WFDC5: variants seen among roughly 807,000 people sequenced by gnomAD.
WFDC5 encodes WAP four-disulfide core domain 5.
A neutral mutation model predicts 15.7 loss-of-function variants in WFDC5; 15 were observed. The observed-to-expected ratio is 0.96, with a 90% CI of 0.64 to 1.47. The LOEUF is 1.47. Ranked by LOEUF, WFDC5 falls within the 40% of genes most tolerant of loss-of-function variation. The probability of loss-of-function intolerance (pLI) is 0.00; values close to 1 mark genes in which losing one functional copy is unlikely to be tolerated. For missense variants in WFDC5, 280 were observed against 258.0 expected (o/e 1.09, Z -0.59); for synonymous variants, 109 against 107.7 (o/e 1.01, Z -0.07).
At chr20:45,112,375 G>A (rs528143560) in intron 1 of WFDC5, among the ~76,000 whole-genome samples, 22 of 152,286 alleles carry the variant, frequency 1.4e-4, no homozygotes, top group African/African-American at 5.3e-4. Flanking sequence ...GGACAGATAG[G>A]GATGGGGCAT....
At chr20:45,115,434 T>C (rs1360819587), upstream of WFDC5, among the ~76,000 whole-genome samples, 1 of 152,170 alleles carries the variant, frequency 6.6e-6, no homozygotes, top group Non-Finnish European at 1.5e-5. Context: ...ATCCTGGCTC[T>C]CAAAGATGTT....
upstream of WFDC5, chr20:45,115,262 T>G: frequency 1.7e-6 from 1 of 572,082 alleles, no homozygotes; most frequent in East Asian, 2.8e-5. Context: ...GCTGTCACAA[T>G]AGCTGAAGAT....
intron 1 of WFDC5, 124 bp downstream of exon 1, chr20:45,114,875 G>GCA: frequency 2.1e-6 from 2 of 942,242 alleles, no homozygotes; most frequent in Non-Finnish European, 3.2e-6. Context: ...ACACACGCAC[G>GCA]CACGCACACA....
intron 1 of WFDC5, among the ~76,000 whole-genome samples, chr20:45,112,711 G>T (rs1302640687): frequency 6.6e-6 from 1 of 152,304 alleles, no homozygotes; most frequent in South Asian, 2.1e-4. Flanking sequence ...AGCACATTTA[G>T]ATCTAGACAC....
At chr20:45,115,577 G>C (rs1044687441), upstream of WFDC5, among the ~76,000 whole-genome samples, 4 of 152,146 alleles carry the variant, frequency 2.6e-5, no homozygotes, top group African/African-American at 9.7e-5. Flanking sequence ...GCCAAAGAAG[G>C]CTGGCCCAGG....
At position 45,109,818 on chromosome 20, in the gene WFDC5, T is replaced by A. The variant is rs556227079; in HGVS notation, c.589A>T (p.Lys197Ter). The A allele has an allele frequency of 1.2e-6, 1 of 808,522 alleles. No individual in the cohort carries two copies. Among genetic ancestry groups the A allele is most frequent in the Admixed American group, 2.0e-5 (1 of 50,324 alleles). 50.1% of individuals were successfully genotyped at this position (808,522 alleles called of 1,614,324 possible). A position where few individuals can be genotyped will look rare whatever the true frequency, so the allele number is the denominator to read the frequency against. ...TCCTCCGAGCTCAGGCTATGGACTT[T>A]GACTCCCAGGAGGAGAAACCAGGGG... The change falls in exon 4 of 4, where the codon AAA becomes TAA. Residue 197 changes from lysine to a stop codon, truncating the protein, a stop_gained. Transcript: ENST00000307971. LOFTEE classifies it low-confidence loss of function (END_TRUNC).
At chr20:45,110,322 A>T in intron 3 of WFDC5, 78 bp downstream of exon 3, 1 of 1,535,158 alleles carries the variant, frequency 6.5e-7, no homozygotes, top group Non-Finnish European at 8.7e-7. Context: ...CATCCTGTTA[A>T]GCTTGTAGCA....
chr20:45,111,554 T>A (rs1981622110), intron 1 of WFDC5, among the ~76,000 whole-genome samples: 1 of 152,222 alleles, frequency 6.6e-6, no homozygotes, highest in Non-Finnish European at 1.5e-5. Flanking sequence ...GGCCACGTCT[T>A]CTGCACCGTT....
At chr20:45,114,150 A>G (rs1302083129) in intron 1 of WFDC5, among the ~76,000 whole-genome samples, 1 of 152,230 alleles carries the variant, frequency 6.6e-6, no homozygotes, top group Non-Finnish European at 1.5e-5. Context: ...CACAGGGTCC[A>G]GCCTTGGAGC....
upstream of WFDC5, among the ~76,000 whole-genome samples, chr20:45,115,412 C>G (rs1015702432): frequency 1.3e-5 from 2 of 152,180 alleles, no homozygotes; most frequent in African/African-American, 4.8e-5. Flanking sequence ...GTTGTTGAGG[C>G]AGATGCTTGC....
intron 3 of WFDC5, among the ~76,000 whole-genome samples, 175 bp from the exon 4 acceptor site, chr20:45,110,188 G>A (rs1381465319): frequency 6.6e-6 from 1 of 152,180 alleles, no homozygotes; most frequent in Non-Finnish European, 1.5e-5. Flanking sequence ...TGTCATCCAG[G>A]TGCCACAGCA....
chr20:45,111,549 C>T (rs1396600892), intron 1 of WFDC5, among the ~76,000 whole-genome samples: 1 of 152,184 alleles, frequency 6.6e-6, no homozygotes, highest in African/African-American at 2.4e-5. Flanking sequence ...CAGCTGGCCA[C>T]GTCTTCTGCA....
At chr20:45,115,060 G>C in exon 1 of WFDC5, 1 of 1,613,420 alleles carries the variant, frequency 6.2e-7, no homozygotes, top group South Asian at 1.1e-5. Context: ...GGGCCCCCAG[G>C]AGGAGAAGGC....
At chr20:45,110,714 G>A (rs560765151) in exon 2 of WFDC5, 10 of 1,614,162 alleles carry the variant, frequency 6.2e-6, no homozygotes, top group South Asian at 4.4e-5. Context: ...TGTCTTCCAC[G>A]CACTGGTCAG....
At chr20:45,113,543 T>G (rs915364943) in intron 1 of WFDC5, among the ~76,000 whole-genome samples, 1 of 152,192 alleles carries the variant, frequency 6.6e-6, no homozygotes, top group Non-Finnish European at 1.5e-5. Flanking sequence ...ATGCTGTGCT[T>G]ACTGTGTGCC....
At chr20:45,110,509 C>T (rs1321666114) in exon 3 of WFDC5, 2 of 1,614,202 alleles carry the variant, frequency 1.2e-6, no homozygotes, top group South Asian at 1.1e-5. Context: ...TGAGGCAGCG[C>T]AGTTGGTCCT....
chr20:45,109,715 G>A (rs757622894), exon 4 of WFDC5: 12 of 715,384 alleles, frequency 1.7e-5, no homozygotes, highest in African/African-American at 1.2e-4. Flanking sequence ...CAGCATGTAC[G>A]GATTGGTGTG....
At chr20:45,112,600 G>A (rs182786689) in intron 1 of WFDC5, among the ~76,000 whole-genome samples, 5 of 152,132 alleles carry the variant, frequency 3.3e-5, no homozygotes, top group Non-Finnish European at 4.4e-5. Context: ...AGATGCATGC[G>A]CCATGGGTGT....
Position 45,110,618 on chromosome 20 carries a change from G to T in WFDC5, c.226+17C>A. ...TTGGGGCTTGGATGGTCAGCAAGGT[G>T]GAGGGGAGGCATTTACCAGAGACCC... On this transcript the variant is annotated intron_variant, in intron 2 of 3. Transcript: ENST00000307971. 1 of 1,613,996 alleles carries T rather than the reference G, an allele frequency of 6.2e-7. No individual in the cohort carries two copies. The highest frequency in any genetic ancestry group is 8.5e-7 in the Non-Finnish European group (1 of 1,179,930).
Sources: allele counts gnomAD v4.1 joint callset (sites outside exome capture counted in the v4.1 genomes callset), GRCh38; gene constraint gnomAD v4.1.1; transcripts MANE v1.5; gene names NCBI Gene and HGNC (gene_info 2026-07-23, HGNC 2026-07-21).